ANK3: variants seen among roughly 807,000 people sequenced by gnomAD.
The protein encoded by ANK3 is ankyrin-3.
A neutral mutation model predicts 370.9 loss-of-function variants in ANK3; 57 were observed. The ratio of observed to expected loss-of-function variants is 0.15; its 90% CI spans 0.12 to 0.19. The LOEUF (loss-of-function observed/expected upper bound fraction) is 0.19, where lower values mean the gene tolerates loss of function less well. ANK3 is among the 10% of genes least tolerant of loss of function. ANK3 has a pLI of 1.00. For missense variants in ANK3, 4,439 were observed against 5,302.1 expected, an observed-to-expected ratio of 0.84 and a Z score of 5.06; for synonymous variants, 1,929 against 1,946.3, an observed-to-expected ratio of 0.99 and a Z score of 0.23.
At chr10:60,402,342 C>T (rs1218544724) in intron 2 of ANK3, among the ~76,000 whole-genome samples, 1 of 151,930 alleles carries the variant, frequency 6.6e-6, no homozygotes, top group South Asian at 2.1e-4. Context: ...GATGAGACAC[C>T]AAAGAATTTA....
chr10:60,151,015 C>A (rs1179879037), intron 23 of ANK3, among the ~76,000 whole-genome samples: 2 of 152,044 alleles, frequency 1.3e-5, no homozygotes, highest in East Asian at 1.9e-4. Flanking sequence ...AGACTGACTC[C>A]TTAATATAAT....
intron 1 of ANK3, among the ~76,000 whole-genome samples, chr10:60,356,593 A>G (rs1465484639): frequency 1.3e-5 from 2 of 152,202 alleles, no homozygotes; most frequent in East Asian, 1.9e-4. Context: ...TTTGGACTCT[A>G]TTGGATTGCC....
intron 43 of ANK3, among the ~76,000 whole-genome samples, chr10:60,033,536 A>AAATC (rs1554812950): frequency 1.0e-5 from 1 of 98,394 alleles, no homozygotes; most frequent in Admixed American, 1.2e-4. Flanking sequence ...AAAAAAAAAA[A>AAATC]AAACTTGGAA....
intron 2 of ANK3, among the ~76,000 whole-genome samples, chr10:60,450,526 C>A (rs2064571684): frequency 6.6e-6 from 1 of 151,778 alleles, no homozygotes; most frequent in African/African-American, 2.4e-5. Flanking sequence ...GGGTTAGCAG[C>A]CCAGCCTGGA....
chr10:60,726,540 AT>A (rs923072459), intron 1 of ANK3, among the ~76,000 whole-genome samples: 3 of 152,220 alleles, frequency 2.0e-5, no homozygotes, highest in Admixed American at 2.0e-4. Context: ...CATTTTAAAG[AT>A]GTGGAAGCTG....
At chr10:60,086,496 C>T (rs1280039737) in intron 30 of ANK3, 181 bp downstream of exon 30, 13 of 516,898 alleles carry the variant, frequency 2.5e-5, no homozygotes, top group Non-Finnish European at 3.9e-5. Flanking sequence ...AGGATCTTCC[C>T]AAGAAATGAT....
rs1159444220 is a variant in ANK3, at chr10:60,622,697, A to C, written c.58-7473T>G. Among the ~76,000 whole-genome samples the C allele has an allele frequency of 2.0e-5, 3 of 152,176 alleles. No homozygotes were observed. In the East Asian group the frequency reaches 5.8e-4, roughly 29 times the overall value. On this transcript the variant is annotated intron_variant, in intron 1 of 43. Coordinates refer to the ANK3 transcript ENST00000373827. ...ATTATATGAATGAATATATTAAAAG[A>C]GCTATCTTAGTAAAATGCATACTAG...
intron 1 of ANK3, among the ~76,000 whole-genome samples, chr10:60,279,914 C>A (rs770051551): frequency 2.6e-5 from 4 of 152,176 alleles, no homozygotes; most frequent in Non-Finnish European, 5.9e-5. Context: ...AATCAACACA[C>A]AATTTCCAGA....
chr10:60,033,514 CAAAAAA>C lies in ANK3; in HGVS notation c.*20-3694_*20-3689del, dbSNP rs537623584. Among the ~76,000 whole-genome samples, 15 of 50,628 alleles carry C rather than the reference CAAAAAA, an allele frequency of 3.0e-4. No individual in the cohort carries two copies. In the East Asian group the frequency reaches 9.0e-3, roughly 30 times the overall value. The allele number at this position is 50,628 out of a possible 152,430, so 33.2% of individuals were successfully genotyped here. On this transcript the variant is annotated intron_variant, in intron 43 of 43. Coordinates refer to ENST00000280772, the MANE Select transcript of ANK3 (RefSeq NM_020987.5). The stretch of plus-strand genomic sequence containing the variant: ...TGGACAACATAGCGAGACTCAGTCT[CAAAAAA>C]AAAAAAAAAAAAAAAAAAACTTGGA...
intron 43 of ANK3, among the ~76,000 whole-genome samples, chr10:60,034,251 C>T (rs777576423): frequency 4.0e-5 from 6 of 151,870 alleles, no homozygotes; most frequent in East Asian, 1.9e-4. Flanking sequence ...GGATTAAAGG[C>T]GCCCACCACC....
intron 1 of ANK3, among the ~76,000 whole-genome samples, chr10:60,339,081 T>C (rs943376994): frequency 2.0e-5 from 3 of 152,010 alleles, no homozygotes; most frequent in Non-Finnish European, 4.4e-5. Context: ...AGTACCAAAA[T>C]AGATTTGTGT....
intron 7 of ANK3, among the ~76,000 whole-genome samples, chr10:60,239,036 C>T (rs1407722321): frequency 6.6e-6 from 1 of 152,000 alleles, no homozygotes; most frequent in African/African-American, 2.4e-5. Flanking sequence ...ATAGACTTCA[C>T]ACAGTTGAGG....
intron 31 of ANK3, 121 bp from the exon 32 acceptor site, chr10:60,084,951 G>T: frequency 2.5e-6 from 2 of 795,170 alleles, no homozygotes; most frequent in Non-Finnish European, 3.8e-6. Context: ...TTATTAACTT[G>T]TTCATTTAAA....
At position 60,468,851 on chromosome 10, in the gene ANK3, GAGAC is replaced by G. The variant is rs374890825; in HGVS notation, c.96+146331_96+146334del. On this transcript the variant is annotated intron_variant, in intron 2 of 43. Transcript: ENST00000373827. ...AAAGATAGGGCTAAAATGAAATACTGAGACAGACTTGTCTTTTTAATATTCTAAT... is the reference window on the plus strand; with the variant it reads ...AAAGATAGGGCTAAAATGAAATACTGAGACTTGTCTTTTTAATATTCTAAT... Among the ~76,000 whole-genome samples the G allele has an allele frequency of 3.1e-3, 462 of 151,230 alleles. 4 individuals carry two copies. The highest frequency in any genetic ancestry group is 0.011 in the African/African-American group (451 of 41,252).
At chr10:60,459,044 T>C (rs1238712009) in intron 2 of ANK3, among the ~76,000 whole-genome samples, 1 of 152,140 alleles carries the variant, frequency 6.6e-6, no homozygotes, top group Non-Finnish European at 1.5e-5. Context: ...CCATAAAATA[T>C]AATACATCGA....
At chr10:60,230,195 A>G (rs1213102612) in intron 8 of ANK3, among the ~76,000 whole-genome samples, 1 of 152,198 alleles carries the variant, frequency 6.6e-6, no homozygotes, top group Non-Finnish European at 1.5e-5. Context: ...ATTGATGCAG[A>G]GCAAACTAAA....
chr10:60,260,272 T>C (rs2097785330), intron 7 of ANK3, among the ~76,000 whole-genome samples: 1 of 152,156 alleles, frequency 6.6e-6, no homozygotes, highest in African/African-American at 2.4e-5. Flanking sequence ...TCTTCTTCTG[T>C]AAAATAAGGA....
intron 1 of ANK3, among the ~76,000 whole-genome samples, chr10:60,344,806 T>C (rs1247353954): frequency 6.6e-6 from 1 of 152,218 alleles, no homozygotes; most frequent in Non-Finnish European, 1.5e-5. Flanking sequence ...CACAGATATG[T>C]GTATCAATCA....
rs747339422 is a variant in ANK3, at chr10:60,072,994, G to A, written c.7887C>T (p.Ser2629=). The A allele has an allele frequency of 6.2e-6, 10 of 1,614,130 alleles. No homozygotes were observed. The Middle Eastern group carries it at 9.9e-4, about 160-fold the overall frequency. ...KEYSSQSPTS[S]SPEKVLLTEL... is the part of the protein sequence containing the mutation. ...CTGTCAGTAGCACTTTCTCAGGGCT[G>A]CTACTGGTAGGGCTTTGAGAAGAAT... Residue 2629 remains serine (S), a synonymous_variant, in exon 37 of 44, where the codon AGC becomes AGT. Coordinates refer to ENST00000280772, the MANE Select transcript of ANK3 (RefSeq NM_020987.5).
Sources: allele counts gnomAD v4.1 joint callset (sites outside exome capture counted in the v4.1 genomes callset), GRCh38; gene constraint gnomAD v4.1.1; transcripts MANE v1.5; gene names NCBI Gene and HGNC (gene_info 2026-07-23, HGNC 2026-07-21).